The following ERG variants were observed in gnomAD, a reference collection of about 807,000 sequenced individuals.
The protein encoded by ERG is transcriptional regulator ERG.
A neutral mutation model predicts 55.3 loss-of-function variants in ERG; 9 were observed. That is an observed-to-expected ratio of 0.16 (90% confidence interval 0.10 to 0.28). The LOEUF (loss-of-function observed/expected upper bound fraction) is 0.28. Ranked by LOEUF, ERG falls within the 10% of genes least tolerant of loss-of-function variation. ERG has a pLI of 1.00. For synonymous variants in ERG, 223 were observed against 237.3 expected, an observed-to-expected ratio of 0.94 and a Z score of 0.55; for missense variants, 434 against 631.6, an observed-to-expected ratio of 0.69 and a Z score of 3.35.
intron 1 of ERG, among the ~76,000 whole-genome samples, chr21:38,634,899 C>A (rs2060379013): frequency 6.6e-6 from 1 of 152,102 alleles, no homozygotes; most frequent in Non-Finnish European, 1.5e-5. Context: ...TGGAAGCAAC[C>A]AAGGTTCCTT....
At chr21:38,434,759 C>T (rs755988719) in intron 2 of ERG, among the ~76,000 whole-genome samples, 1 of 152,140 alleles carries the variant, frequency 6.6e-6, no homozygotes, top group Non-Finnish European at 1.5e-5. Context: ...TGAGATGATG[C>T]CTGTGAAGAA....
At chr21:38,660,337 G>A (rs2060544865) in intron 1 of ERG, among the ~76,000 whole-genome samples, 1 of 152,148 alleles carries the variant, frequency 6.6e-6, no homozygotes, top group Admixed American at 6.5e-5. Context: ...GACTGCACGC[G>A]CCTCCCTGGG....
intron 6 of ERG, chr21:38,395,343 G>C (rs955918407): frequency 4.4e-6 from 1 of 227,742 alleles, no homozygotes; most frequent in African/African-American, 2.2e-5. Flanking sequence ...TTCTGCTCTT[G>C]ACTGCTTGAA....
At chr21:38,368,696 C>A in the ERG span, among the ~76,000 whole-genome samples, 1 of 151,998 alleles carries the variant, frequency 6.6e-6, no homozygotes, top group Non-Finnish European at 1.5e-5. Flanking sequence ...GTTTGTTGTC[C>A]AGACTATTTC....
intron 2 of ERG, among the ~76,000 whole-genome samples, chr21:38,525,782 C>T (rs1231995198): frequency 6.6e-6 from 1 of 152,222 alleles, no homozygotes; most frequent in Non-Finnish European, 1.5e-5. Flanking sequence ...AAGCCCAAGT[C>T]GCAAAGTCTT....
At chr21:38,543,048 C>T (rs757353806) in intron 2 of ERG, among the ~76,000 whole-genome samples, 1 of 152,128 alleles carries the variant, frequency 6.6e-6, no homozygotes, top group Non-Finnish European at 1.5e-5. Context: ...GGTGGCCCAC[C>T]GGAGAGAATT....
At chr21:38,384,066 A>C in intron 9 of ERG, 143 bp from the exon 10 acceptor site, 2 of 1,171,552 alleles carry the variant, frequency 1.7e-6, no homozygotes, top group South Asian at 3.2e-5. Context: ...CCTCAGCTGC[A>C]GGGGTGCGGA....
At chr21:38,438,891 T>C (rs1241174427) in intron 2 of ERG, among the ~76,000 whole-genome samples, 1 of 152,220 alleles carries the variant, frequency 6.6e-6, no homozygotes, top group Non-Finnish European at 1.5e-5. Context: ...AAACACAGCG[T>C]GCTGGGCTGC....
At chr21:38,456,911 G>T (rs749981881) in intron 1 of ERG, among the ~76,000 whole-genome samples, 19 of 152,174 alleles carry the variant, frequency 1.2e-4, no homozygotes, top group Non-Finnish European at 7.3e-5. Context: ...CTTTTCCTAT[G>T]ACATAGATGA....
Position 38,391,530 on chromosome 21 carries a change from T to C in ERG, c.871+129A>G, listed in dbSNP as rs1987970955. The C allele has an allele frequency of 8.1e-6, 6 of 738,404 alleles. No homozygotes were observed. The South Asian group carries it at 1.2e-4, about 15-fold the overall frequency. The allele number at this position is 738,404 out of a possible 1,614,324, so 45.7% of individuals were successfully genotyped here. ...GTAGGCTGATGACTTGGGCCCTATC[T>C]TATGTATGGAGCTGTCGAAAAGAGG... is the stretch of plus-strand genomic sequence containing the variant. On this transcript the variant is annotated intron_variant, in intron 8 of 9. Coordinates refer to ENST00000288319, the MANE Select transcript of ERG (RefSeq NM_182918.4).
intron 2 of ERG, among the ~76,000 whole-genome samples, chr21:38,434,389 A>G (rs944984312): frequency 3.3e-5 from 5 of 151,922 alleles, no homozygotes; most frequent in Non-Finnish European, 5.9e-5. Flanking sequence ...TACCTGCCCT[A>G]TTCACCTGTT....
At chr21:38,525,508 C>T (rs2059623737) in intron 2 of ERG, among the ~76,000 whole-genome samples, 1 of 152,204 alleles carries the variant, frequency 6.6e-6, no homozygotes, top group South Asian at 2.1e-4. Context: ...TCTCCTGAGC[C>T]TCAGTGCTTT....
intron 1 of ERG, chr21:38,450,745 T>C: frequency 2.8e-6 from 1 of 359,938 alleles, no homozygotes; most frequent in South Asian, 2.1e-5. Flanking sequence ...TTATCAGCTC[T>C]GAAATATGAA....
At chr21:38,632,300 A>C (rs547350029) in intron 1 of ERG, among the ~76,000 whole-genome samples, 10 of 152,342 alleles carry the variant, frequency 6.6e-5, no homozygotes, top group Non-Finnish European at 1.5e-4. Context: ...AGAAAAATGC[A>C]GATTGAAAAC....
rs574108506 is a variant in ERG at position 38,532,849 on chromosome 21, C to T, written c.-41+42813G>A. Among the ~76,000 whole-genome samples the T allele has an allele frequency of 7.9e-5, 12 of 152,254 alleles. No homozygotes were observed. The South Asian group carries it at 1.0e-3, about 13-fold the overall frequency. ...TGAAGTGGACTCAAAAGAAATACAA[C>T]GAAATCCCTTAATAAAAATTATGTC... On this transcript the variant is annotated intron_variant, in intron 2 of 8. Transcript: ENST00000398897.
At chr21:38,392,335 C>T (rs1310840927) in intron 7 of ERG, 41 bp downstream of exon 7, 1 of 1,496,536 alleles carries the variant, frequency 6.7e-7, no homozygotes, top group Non-Finnish European at 9.1e-7. Flanking sequence ...CATCCACTGC[C>T]TGTGACATGA....
chr21:38,459,833 A>AC (rs1190451275), intron 1 of ERG, among the ~76,000 whole-genome samples: 2 of 152,194 alleles, frequency 1.3e-5, no homozygotes, highest in Non-Finnish European at 2.9e-5. Flanking sequence ...CCACAAAGAC[A>AC]CCTATCTGCA....
chr21:38,481,520 T>A (rs1248147493), intron 1 of ERG, among the ~76,000 whole-genome samples: 1 of 152,228 alleles, frequency 6.6e-6, no homozygotes, highest in Admixed American at 6.5e-5. Flanking sequence ...TGCTGGATAA[T>A]CTTAAATTTA....
At chr21:38,531,180 G>C (rs1352399690) in intron 2 of ERG, among the ~76,000 whole-genome samples, 1 of 152,180 alleles carries the variant, frequency 6.6e-6, no homozygotes, top group African/African-American at 2.4e-5. Flanking sequence ...CTGGTGACTA[G>C]TAGTGTAGAT....
Sources: gnomAD v4.1 joint callset for allele counts (sites outside exome capture counted in the v4.1 genomes callset) on GRCh38, gnomAD v4.1.1 for gene constraint, MANE v1.5 for transcripts, NCBI Gene and HGNC (gene_info 2026-07-23, HGNC 2026-07-21) for gene names.